The following ACTN3 variants were observed in gnomAD, a reference collection of about 807,000 sequenced individuals.
The protein encoded by ACTN3 is alpha-actinin-3.
ACTN3 carries 91 observed loss-of-function variants against 119.6 expected under a neutral mutation model. That is an observed-to-expected ratio of 0.76 (90% CI 0.64 to 0.91). The LOEUF (loss-of-function observed/expected upper bound fraction) is 0.91, where lower values mean the gene tolerates loss of function less well. Among genes scored for constraint, ACTN3 ranks in the 40% least tolerant of loss-of-function variants. The probability of loss-of-function intolerance (pLI) is 0.00; values close to 1 mark genes in which losing one functional copy is unlikely to be tolerated. For missense variants in ACTN3, 1,221 were observed against 1,215.1 expected (o/e 1.00, Z -0.07); for synonymous variants, 456 against 478.8 (o/e 0.95, Z 0.62).
At position 66,556,238 on chromosome 11, in the gene ACTN3, G is replaced by A. The variant is rs375125612; in HGVS notation, c.804+8G>A. The A allele has an allele frequency of 1.9e-5, 31 of 1,612,540 alleles. No individual in the cohort carries two copies. The highest frequency in any genetic ancestry group is 6.7e-5 in the African/African-American group (5 of 74,852). Reference sequence around the variant, plus strand: ...TTTGCCGGGGCTGAGCAGGTAAGGCGGCCCAACTGCTGCTGCCTGGGCTTG... The same window carrying A: ...TTTGCCGGGGCTGAGCAGGTAAGGCAGCCCAACTGCTGCTGCCTGGGCTTG... On this transcript the variant is annotated splice_region_variant and intron_variant, in intron 8 of 20. Transcript: ENST00000513398.
In ACTN3 at chr11:66,546,994, C is replaced by A; in HGVS notation, c.57C>A (p.Gly19=). ...GLGAGEGRFA[G]GGGGGEYMEQ... is the part of the protein sequence containing the mutation. ...GGGCCGGGGAGGGGCGCTTTGCGGG[C>A]GGCGGCGGGGGCGGCGAGTACATGG... The change falls in exon 1 of 21, where the codon GGC becomes GGA. Residue 19 remains glycine (G), a synonymous_variant. Coordinates refer to ENST00000513398, the MANE Select transcript of ACTN3 (RefSeq NM_001104.4). 1 of 1,519,412 alleles carries A rather than the reference C, an allele frequency of 6.6e-7. No individual in the cohort carries two copies. Among genetic ancestry groups the A allele is most frequent in the South Asian group, 1.3e-5 (1 of 74,870 alleles). The allele number at this position is 1,519,412 out of a possible 1,614,324, so 94.1% of individuals were successfully genotyped here.
rs555795361 is a variant in ACTN3 at position 66,552,065 on chromosome 11, G to A, written c.382+418G>A. On this transcript the variant is annotated intron_variant, in intron 3 of 20. Transcript: ENST00000513398. Reference sequence around the variant, plus strand: ...CACTCCAGCCTGAGCAACAGAGCGAGAGACTCTGTCTGAAAGAAAAAAAAA... The same window carrying A: ...CACTCCAGCCTGAGCAACAGAGCGAAAGACTCTGTCTGAAAGAAAAAAAAA... Among the ~76,000 whole-genome samples, 6 of 149,550 alleles carry A rather than the reference G, an allele frequency of 4.0e-5. No homozygotes were observed. In the South Asian group the frequency reaches 1.1e-3, roughly 26 times the overall value.
chr11:66,555,822 GAC>G (rs1857579528), intron 7 of ACTN3, among the ~76,000 whole-genome samples: 2 of 152,244 alleles, frequency 1.3e-5, no homozygotes, highest in Non-Finnish European at 2.9e-5. Flanking sequence ...TTGGGGGAAA[GAC>G]ACACAGACCG....
intron 3 of ACTN3, among the ~76,000 whole-genome samples, chr11:66,553,524 C>T (rs922927063): frequency 2.6e-5 from 4 of 151,458 alleles, no homozygotes; most frequent in East Asian, 1.9e-4. Flanking sequence ...CACTGTACTC[C>T]AGCCGGGGCA....
chr11:66,556,785 G>A (rs139778616), intron 8 of ACTN3, among the ~76,000 whole-genome samples: 2,133 of 135,040 alleles, frequency 0.016, 51 homozygotes, highest in African/African-American at 0.056. Flanking sequence ...TTTTGAGACG[G>A]AGTCTTGCTC....
intron 19 of ACTN3, 135 bp from the exon 20 acceptor site, chr11:66,562,661 A>G: frequency 9.9e-7 from 1 of 1,010,190 alleles, no homozygotes; most frequent in Non-Finnish European, 1.5e-6. Context: ...GCCAGGGCTA[A>G]GGTCTCTGGA....
intron 9 of ACTN3, 156 bp downstream of exon 9, chr11:66,557,381 C>T: frequency 4.5e-6 from 1 of 220,270 alleles, no homozygotes; most frequent in Non-Finnish European, 7.7e-6. Flanking sequence ...CATCACCTGC[C>T]CTTCTGCCAA....
chr11:66,561,196 G>T, intron 15 of ACTN3, 31 bp from the exon 16 acceptor site: 1 of 1,504,900 alleles, frequency 6.6e-7, no homozygotes, highest in Non-Finnish European at 8.9e-7. Context: ...AGCCCCCAGA[G>T]CTGGCTCTGG....
chr11:66,554,041 G>A lies in ACTN3; in HGVS notation c.383-4G>A. ...AAATCTGTCCCCTGACCCCTGCCCT[G>A]CAGAGATTGTTGACGGGAACCTGAA... On this transcript the variant is annotated splice_region_variant and splice_polypyrimidine_tract_variant and intron_variant, in intron 3 of 20. Transcript: ENST00000513398. 1 of 1,613,672 alleles carries A rather than the reference G, an allele frequency of 6.2e-7. No individual in the cohort carries two copies. The highest frequency in any genetic ancestry group is 1.3e-5 in the African/African-American group (1 of 74,970).
rs1170959151 is a variant in ACTN3, at chr11:66,560,772, G to A, written c.1860+17G>A. Reference sequence around the variant, plus strand: ...TGGGATATGGTCAGTGCCACCTGCAGCCTTCCTCCCACCCCCTCCTGCATA... The same window carrying A: ...TGGGATATGGTCAGTGCCACCTGCAACCTTCCTCCCACCCCCTCCTGCATA... On this transcript the variant is annotated intron_variant, in intron 15 of 20. Coordinates refer to ENST00000513398, the MANE Select transcript of ACTN3 (RefSeq NM_001104.4). The A allele has an allele frequency of 6.3e-7, 1 of 1,594,154 alleles. No homozygotes were observed. The highest frequency in any genetic ancestry group is 8.6e-7 in the Non-Finnish European group (1 of 1,166,208).
Position 66,562,033 on chromosome 11 carries a change from G to A in ACTN3, c.2187G>A (p.Val729=). The change falls in exon 18 of 21, where the codon GTG becomes GTA. Residue 729 remains valine (V), a synonymous_variant. Coordinates refer to ENST00000513398, the MANE Select transcript of ACTN3 (RefSeq NM_001104.4). ...CCCCTGACCGCCAGCACATCCGCGT[G>A]GGCTGGGAGCAGCTGCTCACCTCCA... is the stretch of plus-strand genomic sequence containing the variant. ...HTVYSMEHIR[V]GWEQLLTSIA... is the part of the protein sequence containing the mutation. 1 of 1,610,860 alleles carries A rather than the reference G, an allele frequency of 6.2e-7. No individual in the cohort carries two copies. Among genetic ancestry groups the A allele is most frequent in the Non-Finnish European group, 8.5e-7 (1 of 1,178,674 alleles).
At chr11:66,553,291 C>T (rs936556288) in intron 3 of ACTN3, among the ~76,000 whole-genome samples, 2 of 151,704 alleles carry the variant, frequency 1.3e-5, no homozygotes, top group African/African-American at 4.8e-5. Flanking sequence ...CAGTGGCTCA[C>T]GACTGTAATC....
At chr11:66,549,381 A>G (rs1374888149) in intron 1 of ACTN3, among the ~76,000 whole-genome samples, 1 of 152,180 alleles carries the variant, frequency 6.6e-6, no homozygotes, top group East Asian at 1.9e-4. Context: ...TTCTCAGACC[A>G]AAATGACTCT....
intron 3 of ACTN3, 25 bp downstream of exon 3, chr11:66,551,672 T>C (rs752807191): frequency 1.9e-6 from 3 of 1,612,432 alleles, no homozygotes; most frequent in Non-Finnish European, 8.5e-7. Flanking sequence ...GGAAGGGTCT[T>C]GGGCAGGGCA....
Position 66,563,110 on chromosome 11 carries a change from C to A in ACTN3, c.2623C>A (p.Pro875Thr), listed in dbSNP as rs555990769. 6.2e-7 allele frequency: 1 copy of A among 1,613,390 alleles called. No individual in the cohort carries two copies. Among genetic ancestry groups the A allele is most frequent in the African/African-American group, 1.3e-5 (1 of 75,020 alleles). The change falls in exon 21 of 21, where the codon CCC (proline) becomes ACC (threonine). Residue 875 changes from proline to threonine, a missense_variant. Around this residue, in one of 3 missense-constraint regions of ACTN3, gnomAD observed 934 missense variants for 899.9 expected, o/e 1.04. Transcript: ENST00000513398. ...CGAGTACTGCATCCGCCGTATGGTG[C>A]CCTACAAGGGATCCGGGGCCCCGGC... The part of the protein sequence containing the change: ...QAEYCIRRMV[P>T]YKGSGAPAGA...
intron 8 of ACTN3, among the ~76,000 whole-genome samples, chr11:66,556,800 G>A (rs1348434607): frequency 6.7e-6 from 1 of 149,502 alleles, no homozygotes; most frequent in Non-Finnish European, 1.5e-5. Context: ...TTGCTCTGTC[G>A]CCCAGGCTGG....
At position 66,557,775 on chromosome 11, in the gene ACTN3, G is replaced by A. The variant is rs369932492; in HGVS notation, c.974G>A (p.Arg325His). 1.1e-4 allele frequency: 180 copies of A among 1,613,522 alleles called. No homozygotes were observed. The highest frequency in any genetic ancestry group is 9.9e-4 in the Middle Eastern group (6 of 6,082). The change falls in exon 10 of 21, where the codon CGC (arginine) becomes CAC (histidine). Residue 325 changes from arginine to histidine, a missense_variant. Physicochemically the swap from Arg to His is conservative, Grantham distance 29. Transcript: ENST00000513398. ...VGEPSMSAMQ[R>H]KLEDFRDYRR... ...GAGCCCAGCATGAGTGCCATGCAGC[G>A]CAAACTAGAGGACTTTCGGGACTAC...
At chr11:66,553,860 A>AG (rs1353127658) in intron 3 of ACTN3, among the ~76,000 whole-genome samples, 185 bp from the exon 4 acceptor site, 2 of 151,310 alleles carry the variant, frequency 1.3e-5, no homozygotes, top group African/African-American at 4.9e-5. Context: ...TCTCAAAAAA[A>AG]AAAAAAAAAA....
chr11:66,554,670 G>A (rs1857552858), intron 5 of ACTN3, 47 bp downstream of exon 5: 8 of 1,514,494 alleles, frequency 5.3e-6, no homozygotes, highest in East Asian at 2.4e-5. Flanking sequence ...GTGGGGTACT[G>A]GGCATAGAGA....
Sources: gnomAD v4.1 joint callset for allele counts (sites outside exome capture counted in the v4.1 genomes callset) on GRCh38, gnomAD v4.1.1 for gene constraint, gnomAD v4.1.1 regional missense constraint, MANE v1.5 for transcripts, NCBI Gene and HGNC (gene_info 2026-07-23, HGNC 2026-07-21) for gene names.